The following SLK variants were observed in gnomAD, a reference collection of about 807,000 sequenced individuals.
SLK encodes STE20-like serine/threonine-protein kinase.
In SLK, 67 loss-of-function variants were observed where a neutral mutation model predicts 147.7. The ratio of observed to expected loss-of-function variants is 0.45; its 90% CI spans 0.37 to 0.56. The LOEUF is 0.56. Ranked by LOEUF, SLK falls within the 20% of genes least tolerant of loss-of-function variation. The probability of loss-of-function intolerance (pLI) is 0.00; values close to 1 mark genes in which losing one functional copy is unlikely to be tolerated. For missense variants in SLK, 1,136 were observed against 1,438.8 expected (o/e 0.79, Z 3.41); for synonymous variants, 441 against 475.0 (o/e 0.93, Z 0.93).
Position 104,019,725 on chromosome 10 carries a change from C to CT in SLK, c.3133-6dup, listed in dbSNP as rs1476071913. 6.2e-7 allele frequency: 1 copy of CT among 1,608,434 alleles called. No homozygotes were observed. The highest frequency in any genetic ancestry group is 1.3e-5 in the African/African-American group (1 of 74,826). On this transcript the variant is annotated splice_polypyrimidine_tract_variant and intron_variant, in intron 15 of 18. Transcript: ENST00000369755. ...CTGCGTCACTGGATTCTATTTAAAA[C>CT]TTTCATAGGAAACAGAGCAAATGCA...
chr10:104,008,500 C>CTAT (rs1844358778), intron 12 of SLK, 144 bp downstream of exon 12: 1 of 617,546 alleles, frequency 1.6e-6, no homozygotes, highest in Non-Finnish European at 2.8e-6. Context: ...TCTCAACAGT[C>CTAT]ATATAGAGTT....
At chr10:103,981,282 T>G (rs1392273971) in intron 1 of SLK, among the ~76,000 whole-genome samples, 1 of 152,134 alleles carries the variant, frequency 6.6e-6, no homozygotes, top group African/African-American at 2.4e-5. Context: ...AAATATTTTC[T>G]GTCACTTTAT....
At chr10:104,001,636 C>T (rs1280910592) in intron 8 of SLK, 64 bp downstream of exon 8, 5 of 1,578,670 alleles carry the variant, frequency 3.2e-6, no homozygotes, top group African/African-American at 1.4e-5. Context: ...GTAGTTGCTC[C>T]TGTATCTAAG....
Position 104,005,614 on chromosome 10 carries a change from T to A in SLK, c.2403T>A (p.Asp801Glu), listed in dbSNP as rs770099633. The change falls in exon 10 of 19, where the codon GAT (aspartate) becomes GAA (glutamate). Residue 801 changes from aspartate (D) to glutamate (E), a missense_variant. Coordinates refer to ENST00000369755, the MANE Select transcript of SLK (RefSeq NM_014720.4). ...TLKKTRKFIV[D>E]GVEVSVTTSK... ...AGAAAACACGCAAATTTATTGTTGA[T>A]GGTGTAGAAGTGAGTGTAACAACAT... 6 of 1,605,926 alleles carry A rather than the reference T, an allele frequency of 3.7e-6. No individual in the cohort carries two copies. Among genetic ancestry groups the A allele is most frequent in the Non-Finnish European group, 5.1e-6 (6 of 1,176,752 alleles).
rs773394053 is a variant in SLK at position 103,993,125 on chromosome 10, T to C, written c.506T>C (p.Ile169Thr). Reference sequence around the variant, plus strand: ...ATTCTCTTTACCTTAGATGGAGATATCAAATTGGGTAAGTTATTCACTTAA... The same window carrying C: ...ATTCTCTTTACCTTAGATGGAGATACCAAATTGGGTAAGTTATTCACTTAA... ...GNILFTLDGDIKLADFGVSAK... is the reference protein window; with the variant it reads ...GNILFTLDGDTKLADFGVSAK... Residue 169 changes from isoleucine (I) to threonine (T), a missense_variant, in exon 4 of 19, where the codon ATC (isoleucine) becomes ACC (threonine). Coordinates refer to ENST00000369755, the MANE Select transcript of SLK (RefSeq NM_014720.4). 6 of 1,600,226 alleles carry C rather than the reference T, an allele frequency of 3.7e-6. No individual in the cohort carries two copies. The highest frequency in any genetic ancestry group is 5.1e-6 in the Non-Finnish European group (6 of 1,173,084).
chr10:103,985,828 C>T (rs1844005344), intron 1 of SLK, among the ~76,000 whole-genome samples: 1 of 152,154 alleles, frequency 6.6e-6, no homozygotes, highest in Admixed American at 6.5e-5. Flanking sequence ...GGAATACCTT[C>T]TGTTCAAACA....
chr10:103,999,930 T>A lies in SLK; in HGVS notation c.846T>A (p.Thr282=). The change falls in exon 7 of 19, where the codon ACT becomes ACA. Residue 282 remains threonine (T), a synonymous_variant. Transcript: ENST00000369755. The stretch of plus-strand genomic sequence containing the variant: ...AAAAGAATGTGGATGCCAGGTGGAC[T>A]ACATCTCAGCTGCTGCAGGTAAGAG... The part of the protein sequence containing the change: ...CLEKNVDARW[T]TSQLLQHPFV... The A allele has an allele frequency of 6.5e-7, 1 of 1,543,792 alleles. No homozygotes were observed. The highest frequency in any genetic ancestry group is 8.9e-7 in the Non-Finnish European group (1 of 1,126,508).
At chr10:103,977,933 A>G (rs805669) in intron 1 of SLK, among the ~76,000 whole-genome samples, 119,618 of 152,108 alleles carry the variant, frequency 0.79, 47,410 homozygotes, top group East Asian at 0.9. Flanking sequence ...TAGATTCTAC[A>G]GCTGTTCATA....
intron 2 of SLK, 36 bp downstream of exon 2, chr10:103,990,875 A>T: frequency 7.6e-7 from 1 of 1,314,166 alleles, no homozygotes; most frequent in Non-Finnish European, 1.0e-6. Flanking sequence ...GAGTAGCCAA[A>T]ATGAGTTAAT....
chr10:104,001,668 A>G, intron 8 of SLK, 96 bp downstream of exon 8: 1 of 1,346,890 alleles, frequency 7.4e-7, no homozygotes, highest in Non-Finnish European at 1.0e-6. Flanking sequence ...GGCAACGCAA[A>G]ACCTTTAAAT....
intron 5 of SLK, 26 bp from the exon 6 acceptor site, chr10:103,999,093 T>C (rs1589535931): frequency 1.3e-6 from 2 of 1,587,688 alleles, no homozygotes; most frequent in East Asian, 4.5e-5. Flanking sequence ...TTAAACATGT[T>C]AACTTTTAAT....
Position 103,992,620 on chromosome 10 carries a change from G to C in SLK, c.338G>C (p.Gly113Ala). 1 of 1,183,630 alleles carries C rather than the reference G, an allele frequency of 8.4e-7. No individual in the cohort carries two copies. Among genetic ancestry groups the C allele is most frequent in the Non-Finnish European group, 1.1e-6 (1 of 920,834 alleles). The allele number at this position is 1,183,630 out of a possible 1,614,324, so 73.3% of individuals were successfully genotyped here. A position where few individuals can be genotyped will look rare whatever the true frequency, so the allele number is the denominator to read the frequency against. The change falls in exon 3 of 19, where the codon GGT becomes GCT. Residue 113 changes from glycine (G) to alanine (A), a missense_variant. By Grantham distance (60) the Gly-to-Ala change is moderately conservative. Coordinates refer to ENST00000369755, the MANE Select transcript of SLK (RefSeq NM_014720.4). Reference sequence around the variant, plus strand: ...CAGATCCTCATTGAATTTTGTGCAGGTGGAGCAGTAGATGCTGTGATGCTT... The same window carrying C: ...CAGATCCTCATTGAATTTTGTGCAGCTGGAGCAGTAGATGCTGTGATGCTT... The part of the protein sequence containing the change: ...NLWILIEFCA[G>A]GAVDAVMLEL...
chr10:103,968,171 CTTTAA>C (rs1486633795), intron 1 of SLK, among the ~76,000 whole-genome samples: 1 of 152,180 alleles, frequency 6.6e-6, no homozygotes, highest in Non-Finnish European at 1.5e-5. Context: ...TGAGAGTGTT[CTTTAA>C]TTTATAGGAG....
rs1439886907 is a variant in SLK at position 104,026,371 on chromosome 10, G to A, written c.*651G>A. On this transcript the variant is annotated 3_prime_UTR_variant, in exon 19 of 19. Transcript: ENST00000369755. Reference sequence around the variant, plus strand: ...TAAAACACTAAATTTCAGTCAAGTCGTAAGTAGGATTTTCTTTTTGATCAA... The same window carrying A: ...TAAAACACTAAATTTCAGTCAAGTCATAAGTAGGATTTTCTTTTTGATCAA... 3.3e-5 allele frequency: 5 copies of A among 152,552 alleles called. No homozygotes were observed. Among genetic ancestry groups the A allele is most frequent in the Non-Finnish European group, 5.9e-5 (4 of 68,018 alleles). The allele number at this position is 152,552 out of a possible 1,614,324, so 9.4% of individuals were successfully genotyped here.
chr10:104,021,505 A>C, intron 17 of SLK, 115 bp from the exon 18 acceptor site: 1 of 595,434 alleles, frequency 1.7e-6, no homozygotes, highest in Admixed American at 3.3e-5. Context: ...GAAAACTTGA[A>C]TCTCAGTAAT....
In SLK at chr10:104,028,659, C is replaced by CT. The variant is rs1844628420; in HGVS notation, c.*2940dup. On this transcript the variant is annotated 3_prime_UTR_variant, in exon 19 of 19. Coordinates refer to ENST00000369755, the MANE Select transcript of SLK (RefSeq NM_014720.4). ...TGAGACCCACCTTAATGAAGGGTCT[C>CT]TGATTTCTTGAGCATCAGCGAGTTT... 6.6e-6 allele frequency: 1 copy of CT among 152,194 alleles called. No homozygotes were observed. Among genetic ancestry groups the CT allele is most frequent in the Non-Finnish European group, 1.5e-5 (1 of 68,036 alleles). 9.4% of individuals were successfully genotyped at this position (152,194 alleles called of 1,614,324 possible).
At chr10:103,996,859 A>G (rs551801904) in intron 4 of SLK, among the ~76,000 whole-genome samples, 12 of 152,248 alleles carry the variant, frequency 7.9e-5, no homozygotes, top group Middle Eastern at 3.4e-3. Flanking sequence ...CCTGTTGTCC[A>G]TGTTTGTAAC....
Position 103,993,063 on chromosome 10 carries a change from T to A in SLK, c.444T>A (p.Asp148Glu). ...TAGATGCATTGAACTACTTACATGA[T>A]AATAAGATCATCCACAGAGATCTGA... ...QTLDALNYLH[D>E]NKIIHRDLKA... Residue 148 changes from aspartate to glutamate, a missense_variant, in exon 4 of 19, where the codon GAT becomes GAA. By Grantham distance (45) the Asp-to-Glu change is conservative. Around this residue, in one of 6 missense-constraint regions of SLK, gnomAD observed 141 missense variants for 219.3 expected, o/e 0.64. Coordinates refer to ENST00000369755, the MANE Select transcript of SLK (RefSeq NM_014720.4). 1.2e-6 allele frequency: 2 copies of A among 1,611,214 alleles called. No individual in the cohort carries two copies. Among genetic ancestry groups the A allele is most frequent in the Non-Finnish European group, 1.7e-6 (2 of 1,177,884 alleles).
At chr10:103,987,646 T>C (rs1469590887) in intron 1 of SLK, among the ~76,000 whole-genome samples, 2 of 152,218 alleles carry the variant, frequency 1.3e-5, no homozygotes, top group South Asian at 4.1e-4. Flanking sequence ...TGAAGTGATG[T>C]TAATATACAT....
Sources: gnomAD v4.1 joint callset for allele counts (sites outside exome capture counted in the v4.1 genomes callset) on GRCh38, gnomAD v4.1.1 for gene constraint, gnomAD v4.1.1 regional missense constraint, MANE v1.5 for transcripts, NCBI Gene and HGNC (gene_info 2026-07-23, HGNC 2026-07-21) for gene names.